TFF3: variants seen among roughly 807,000 people sequenced by gnomAD.
TFF3 encodes polypeptide P1.B.
A neutral mutation model predicts 9.7 loss-of-function variants in TFF3; 6 were observed. The ratio of observed to expected loss-of-function variants is 0.62; its 90% CI spans 0.34 to 1.22. TFF3 has a LOEUF of 1.22. Among genes scored for constraint, TFF3 ranks in the 50% most tolerant of loss-of-function variants. TFF3 has a pLI of 0.04. For missense variants in TFF3, 93 were observed against 98.6 expected (o/e 0.94, Z 0.24); for synonymous variants, 48 against 41.4 (o/e 1.16, Z -0.61).
At chr21:42,312,798 C>T (rs2236706) in intron 2 of TFF3, among the ~76,000 whole-genome samples, 22,731 of 152,166 alleles carry the variant, frequency 0.15, 3,514 homozygotes, top group African/African-American at 0.39. Flanking sequence ...GTGCGGCCTT[C>T]GTGGGGGCTG....
Position 42,315,289 on chromosome 21 carries a change from T to TCACA in TFF3, c.82_82+3dup. 1.2e-6 allele frequency: 2 copies of TCACA among 1,612,622 alleles called. No homozygotes were observed. The highest frequency in any genetic ancestry group is 2.7e-5 in the African/African-American group (2 of 74,928). On this transcript the variant is annotated splice_donor_region_variant and intron_variant, in intron 1 of 2. Transcript: ENST00000518498. ...GCCACCGGGGCAGTCAGGGCAGTACTCACACAGGCCCACGTACTCCTCAGC... is the reference window on the plus strand; with the variant it reads ...GCCACCGGGGCAGTCAGGGCAGTACTCACACACACAGGCCCACGTACTCCTCAGC...
rs757469207 is a variant in TFF3 at position 42,312,184 on chromosome 21, C to T, written c.*72G>A. The T allele has an allele frequency of 1.2e-6, 2 of 1,603,572 alleles. No homozygotes were observed. Among genetic ancestry groups the T allele is most frequent in the African/African-American group, 2.7e-5 (2 of 74,776 alleles). Reference sequence around the variant, plus strand: ...ACAGAAAAGCTGAGATGAACAGTGCCTGGCAGCAATCACAGCCGGGCAAGG... The same window carrying T: ...ACAGAAAAGCTGAGATGAACAGTGCTTGGCAGCAATCACAGCCGGGCAAGG... On this transcript the variant is annotated 3_prime_UTR_variant, in exon 3 of 3. Coordinates refer to ENST00000518498, the MANE Select transcript of TFF3 (RefSeq NM_003226.4).
chr21:42,313,622 T>C lies in TFF3; in HGVS notation c.92A>G (p.Gln31Arg). The C allele has an allele frequency of 6.2e-7, 1 of 1,609,570 alleles. No homozygotes were observed. Among genetic ancestry groups the C allele is most frequent in the African/African-American group, 1.3e-5 (1 of 74,846 alleles). The change falls in exon 2 of 3, where the codon CAG (glutamine) becomes CGG (arginine). Residue 31 changes from glutamine (Q) to arginine (R), a missense_variant. Coordinates refer to ENST00000518498, the MANE Select transcript of TFF3 (RefSeq NM_003226.4). The surrounding 1 kb of genome is among the most constrained non-coding windows in gnomAD (Gnocchi z 4.0). Reference sequence around the variant, plus strand: ...CCTGTCCTTGGCTGGCACGGCACACTGGTTTGCAGCTGTCCCAGACAAAGC... The same window carrying C: ...CCTGTCCTTGGCTGGCACGGCACACCGGTTTGCAGCTGTCCCAGACAAAGC... ...AEEYVGLSAN[Q>R]CAVPAKDRVD... is the part of the protein sequence containing the mutation.
chr21:42,313,658 G>T lies in TFF3; in HGVS notation c.83-27C>A. 1 of 1,592,478 alleles carries T rather than the reference G, an allele frequency of 6.3e-7. No homozygotes were observed. The highest frequency in any genetic ancestry group is 8.6e-7 in the Non-Finnish European group (1 of 1,169,244). ...TGTCCCAGACAAAGCCCTGTCAGCT[G>T]CCAGAGCCCTTGCTGGGCTGCGGTG... is the stretch of plus-strand genomic sequence containing the variant. On this transcript the variant is annotated intron_variant, in intron 1 of 2. Coordinates refer to ENST00000518498, the MANE Select transcript of TFF3 (RefSeq NM_003226.4). The surrounding 1 kb of genome is among the most constrained non-coding windows in gnomAD (Gnocchi z 4.0).
At chr21:42,315,145 C>A in intron 1 of TFF3, 148 bp downstream of exon 1, 1 of 1,121,214 alleles carries the variant, frequency 8.9e-7, no homozygotes, top group Admixed American at 2.9e-5. Context: ...GAAATGGGGA[C>A]AATAAAGACC....
At position 42,312,236 on chromosome 21, in the gene TFF3, C is replaced by T. The variant is rs373276657; in HGVS notation, c.*20G>A. The T allele has an allele frequency of 1.5e-5, 24 of 1,613,462 alleles. No homozygotes were observed. The highest frequency in any genetic ancestry group is 6.7e-5 in the East Asian group (3 of 44,892). On this transcript the variant is annotated 3_prime_UTR_variant, in exon 3 of 3. Coordinates refer to ENST00000518498, the MANE Select transcript of TFF3 (RefSeq NM_003226.4). ...TGCTCCGAGCCTCGCATCCCCCGGC[C>T]GGGGGCAGCTGGAGGTGCCTCAGAA... is the stretch of plus-strand genomic sequence containing the variant.
chr21:42,313,304 C>T lies in TFF3; in HGVS notation c.229+181G>A, dbSNP rs539921555. The stretch of plus-strand genomic sequence containing the variant: ...TTTACATAAAGGGGACAGAAGAGGA[C>T]AGCCCCTGGCCATGGCTGCCCTAAG... On this transcript the variant is annotated intron_variant, in intron 2 of 2. Transcript: ENST00000518498. This position sits in a 1 kb window ranked among gnomAD's most constrained non-coding sequence, Gnocchi z 4.0. Among the ~76,000 whole-genome samples the T allele has an allele frequency of 2.6e-5, 4 of 152,290 alleles. No individual in the cohort carries two copies. The highest frequency in any genetic ancestry group is 2.0e-4 in the Admixed American group (3 of 15,312).
chr21:42,315,267 A>G, intron 1 of TFF3, 26 bp downstream of exon 1: 1 of 1,600,700 alleles, frequency 6.2e-7, no homozygotes, highest in South Asian at 1.1e-5. Flanking sequence ...CCACCCTGCC[A>G]CCGGGGCAGT....
At chr21:42,315,259 A>G in intron 1 of TFF3, 34 bp downstream of exon 1, 1 of 1,597,618 alleles carries the variant, frequency 6.3e-7, no homozygotes. Context: ...CTTCACGCCC[A>G]CCCTGCCACC....
intron 2 of TFF3, among the ~76,000 whole-genome samples, chr21:42,312,870 G>C (rs2069338720): frequency 6.6e-6 from 1 of 152,180 alleles, no homozygotes; most frequent in Non-Finnish European, 1.5e-5. Flanking sequence ...ATGTGGGGCA[G>C]CTAAGCCTGG....
rs1450639445 is a variant in TFF3 at position 42,312,109 on chromosome 21, C to A, written c.*147G>T. On this transcript the variant is annotated 3_prime_UTR_variant, in exon 3 of 3. Coordinates refer to ENST00000518498, the MANE Select transcript of TFF3 (RefSeq NM_003226.4). ...ATGGGACCTTTATTCGTTAAGACAT[C>A]AGGCTCCAGATATGAACTTTCAGCA... The A allele has an allele frequency of 9.3e-7, 1 of 1,070,092 alleles. No homozygotes were observed. Among genetic ancestry groups the A allele is most frequent in the Non-Finnish European group, 1.5e-6 (1 of 686,980 alleles). The allele number at this position is 1,070,092 out of a possible 1,614,324, so 66.3% of individuals were successfully genotyped here. A position where few individuals can be genotyped will look rare whatever the true frequency, so the allele number is the denominator to read the frequency against.
rs199571867 is a variant in TFF3 at position 42,313,738 on chromosome 21, C to T, written c.83-107G>A. The T allele has an allele frequency of 7.2e-5, 95 of 1,318,614 alleles. No individual in the cohort carries two copies. In the East Asian group the frequency reaches 1.2e-3, roughly 17 times the overall value. 81.7% of individuals were successfully genotyped at this position (1,318,614 alleles called of 1,614,324 possible). ...ATCCTCCCGCTCCGCCCCACCCCGCCGAGTTCAACCACTGCTGAAACCCTC... is the reference window on the plus strand; with the variant it reads ...ATCCTCCCGCTCCGCCCCACCCCGCTGAGTTCAACCACTGCTGAAACCCTC... On this transcript the variant is annotated intron_variant, in intron 1 of 2. Transcript: ENST00000518498. The surrounding 1 kb of genome is among the most constrained non-coding windows in gnomAD (Gnocchi z 4.0).
chr21:42,311,841 G>A lies in TFF3; in HGVS notation c.*415C>T, dbSNP rs905876507. 6.1e-6 allele frequency: 2 copies of A among 330,022 alleles called. No individual in the cohort carries two copies. Among genetic ancestry groups the A allele is most frequent in the African/African-American group, 2.2e-5 (1 of 46,202 alleles). The allele number at this position is 330,022 out of a possible 1,614,324, so 20.4% of individuals were successfully genotyped here. On this transcript the variant is annotated 3_prime_UTR_variant, in exon 3 of 3. Transcript: ENST00000518498. ...ATTTTTGAAAACTTCTACCTGAAAT[G>A]TATTTTTTCTGCTTTCCCGAGGAAG...
rs768575334 is a variant in TFF3, at chr21:42,313,733, CCCG to C, written c.83-105_83-103del. On this transcript the variant is annotated intron_variant, in intron 1 of 2. Transcript: ENST00000518498. The surrounding 1 kb of genome is among the most constrained non-coding windows in gnomAD (Gnocchi z 4.0). ...TTTGCATCCTCCCGCTCCGCCCCAC[CCCG>C]CCGAGTTCAACCACTGCTGAAACCC... 872 of 1,384,848 alleles carry C rather than the reference CCCG, an allele frequency of 6.3e-4. 3 individuals carry two copies. Among genetic ancestry groups the C allele is most frequent in the Non-Finnish European group, 7.9e-4 (827 of 1,044,042 alleles). The allele number at this position is 1,384,848 out of a possible 1,614,324, so 85.8% of individuals were successfully genotyped here.
chr21:42,312,750 C>G (rs180859373), intron 2 of TFF3, among the ~76,000 whole-genome samples: 320 of 152,302 alleles, frequency 2.1e-3, no homozygotes, highest in African/African-American at 7.4e-3. Context: ...CAAGAGAGGC[C>G]CCTCTGGATG....
Position 42,315,346 on chromosome 21 carries a change from C to G in TFF3, c.29G>C (p.Gly10Ala). Residue 10 changes from glycine (G) to alanine (A), a missense_variant, in exon 1 of 3, where the codon GGG becomes GCG. Transcript: ENST00000518498. ...GGAGGACAGCAAGGCCAGGACCAGC[C>G]CCAGCATGCAGAGCGCTCTGGCAGC... MAARALCMLGLVLALLSSSS... is the reference protein window; with the variant it reads MAARALCMLALVLALLSSSS... 1.9e-6 allele frequency: 3 copies of G among 1,614,180 alleles called. No individual in the cohort carries two copies. The East Asian group carries it at 6.7e-5, about 36-fold the overall frequency.
chr21:42,312,019 A>C lies in TFF3; in HGVS notation c.*237T>G. 1 of 698,476 alleles carries C rather than the reference A, an allele frequency of 1.4e-6. No individual in the cohort carries two copies. The allele number at this position is 698,476 out of a possible 1,614,324, so 43.3% of individuals were successfully genotyped here. On this transcript the variant is annotated 3_prime_UTR_variant, in exon 3 of 3. Coordinates refer to ENST00000518498, the MANE Select transcript of TFF3 (RefSeq NM_003226.4). Reference sequence around the variant, plus strand: ...TGACACCCTCCCGCCCTCTCCCACGACGCAGCAGAAATAAAGCACAACCTC... The same window carrying C: ...TGACACCCTCCCGCCCTCTCCCACGCCGCAGCAGAAATAAAGCACAACCTC...
chr21:42,315,218 G>T (rs1375506029), intron 1 of TFF3, 75 bp downstream of exon 1: 5 of 1,525,440 alleles, frequency 3.3e-6, no homozygotes, highest in Non-Finnish European at 3.5e-6. Context: ...TTAAATGAAT[G>T]CAGAATCCCC....
In TFF3 at chr21:42,312,135, G is replaced by A; in HGVS notation, c.*121C>T. On this transcript the variant is annotated 3_prime_UTR_variant, in exon 3 of 3. Coordinates refer to ENST00000518498, the MANE Select transcript of TFF3 (RefSeq NM_003226.4). ...AGGCTCCAGATATGAACTTTCAGCA[G>A]AAGCGCTTGCCGGGAGCAAAGGGAC... The A allele has an allele frequency of 7.3e-7, 1 of 1,363,956 alleles. No homozygotes were observed. The highest frequency in any genetic ancestry group is 1.1e-6 in the Non-Finnish European group (1 of 952,036). 84.5% of individuals were successfully genotyped at this position (1,363,956 alleles called of 1,614,324 possible).
Sources: gnomAD v4.1 joint callset for allele counts (sites outside exome capture counted in the v4.1 genomes callset) on GRCh38, gnomAD v4.1.1 for gene constraint, Gnocchi (gnomAD v3.1) non-coding constraint, MANE v1.5 for transcripts, NCBI Gene and HGNC (gene_info 2026-07-23, HGNC 2026-07-21) for gene names.